NCOR2: variants seen among roughly 807,000 people sequenced by gnomAD.
NCOR2 encodes nuclear receptor corepressor 2, also known as CTG repeat protein 26.
In NCOR2, 81 loss-of-function variants were observed where a neutral mutation model predicts 262.9. That is an observed-to-expected ratio of 0.31 (90% CI 0.26 to 0.37). The LOEUF is 0.37. Among genes scored for constraint, NCOR2 ranks in the 10% least tolerant of loss-of-function variants. The pLI, the probability that NCOR2 is intolerant of heterozygous loss-of-function variation, is 1.00. For synonymous variants in NCOR2, 1,659 were observed against 1,559.3 expected, an observed-to-expected ratio of 1.06 and a Z score of -1.51; for missense variants, 3,385 against 3,621.4, an observed-to-expected ratio of 0.93 and a Z score of 1.68.
At chr12:124,361,912 C>T (rs531108986) in intron 22 of NCOR2, among the ~76,000 whole-genome samples, 3 of 152,378 alleles carry the variant, frequency 2.0e-5, no homozygotes, top group East Asian at 3.9e-4. Context: ...AAGGCCAATA[C>T]GTGCCCACTT....
chr12:124,383,526 T>G, intron 17 of NCOR2: 2 of 747,558 alleles, frequency 2.7e-6, no homozygotes, highest in Non-Finnish European at 3.4e-6. Flanking sequence ...AATAAAACCT[T>G]CCAACTCAAA....
chr12:124,326,512 C>T (rs1338593005), intron 45 of NCOR2, 142 bp from the exon 48 acceptor site: 2 of 811,620 alleles, frequency 2.5e-6, no homozygotes, highest in Non-Finnish European at 1.7e-6. Context: ...ACCCCTCCTC[C>T]CTGCTGCCCG....
At chr12:124,421,782 C>T (rs2043216676) in intron 12 of NCOR2, among the ~76,000 whole-genome samples, 1 of 152,240 alleles carries the variant, frequency 6.6e-6, no homozygotes, top group Non-Finnish European at 1.5e-5. Flanking sequence ...AACATGCAGC[C>T]TCATCCAGCC....
At position 124,378,299 on chromosome 12, in the gene NCOR2, T is replaced by C. The variant is rs2040170692; in HGVS notation, c.2105A>G (p.Asp702Gly). 6.2e-7 allele frequency: 1 copy of C among 1,613,830 alleles called. No individual in the cohort carries two copies. The highest frequency in any genetic ancestry group is 1.3e-5 in the African/African-American group (1 of 74,918). The change falls in exon 18 of 47, where the codon GAT (aspartate) becomes GGT (glycine). Residue 702 changes from aspartate (D) to glycine (G), a missense_variant. Asp to Gly is a moderately conservative substitution (Grantham distance 94). Around this residue, in one of 5 missense-constraint regions of NCOR2, gnomAD observed 515 missense variants for 781.2 expected, o/e 0.66. Transcript: ENST00000405201. The surrounding 1 kb of genome is among the most constrained non-coding windows in gnomAD (Gnocchi z 4.2). The stretch of plus-strand genomic sequence containing the variant: ...CACGCCCGACGCCTCCATCTCCTCA[T>C]CCTCCACCACGGGCGGGAATGCAGC...
intron 1 of NCOR2, among the ~76,000 whole-genome samples, chr12:124,543,092 A>ACTAGGTGCCT (rs1357649208): frequency 2.6e-5 from 4 of 152,226 alleles, no homozygotes; most frequent in Middle Eastern, 3.4e-3. Flanking sequence ...TCCCTCCTCC[A>ACTAGGTGCCT]CCAGCTAGGG....
chr12:124,326,370 C>G, exon 46 of NCOR2: 1 of 1,488,334 alleles, frequency 6.7e-7, no homozygotes, highest in Non-Finnish European at 8.9e-7. Flanking sequence ...CCCGCCGCCA[C>G]CTGCAGGGGG....
intron 1 of NCOR2, among the ~76,000 whole-genome samples, chr12:124,553,405 C>T (rs1274629051): frequency 1.3e-5 from 2 of 152,214 alleles, no homozygotes; most frequent in Non-Finnish European, 2.9e-5. Flanking sequence ...CTCAGCTTAA[C>T]ACAGGCTTCA....
In NCOR2 at chr12:124,372,621, C is replaced by A. The variant is rs759419552; in HGVS notation, c.2219-11G>T. On this transcript the variant is annotated splice_polypyrimidine_tract_variant and intron_variant, in intron 19 of 46. Coordinates refer to ENST00000405201, the Ensembl canonical transcript of NCOR2. ...TGTTGTTGACAGTGGCTGTGCAGGGCGAGAAGGAAGAGGGGATGAGCAGGG... is the reference window on the plus strand; with the variant it reads ...TGTTGTTGACAGTGGCTGTGCAGGGAGAGAAGGAAGAGGGGATGAGCAGGG... 1.3e-6 allele frequency: 2 copies of A among 1,592,276 alleles called. No individual in the cohort carries two copies. The highest frequency in any genetic ancestry group is 2.2e-5 in the South Asian group (2 of 90,704).
chr12:124,545,870 C>A (rs2051529037), intron 1 of NCOR2, among the ~76,000 whole-genome samples: 1 of 152,180 alleles, frequency 6.6e-6, no homozygotes, highest in Admixed American at 6.5e-5. Flanking sequence ...GGCAGATGAG[C>A]AAAGTTCCAT....
At chr12:124,354,736 T>C in intron 25 of NCOR2, 101 bp downstream of exon 27, 1 of 1,324,766 alleles carries the variant, frequency 7.5e-7, no homozygotes, top group Non-Finnish European at 1.0e-6. Flanking sequence ...AGCTGCTACC[T>C]GGAGTACCGT....
rs892628998 is a variant in NCOR2, at chr12:124,413,820, G to A, written c.1482+6137C>T. 4.6e-5 allele frequency among the ~76,000 whole-genome samples: 7 copies of A among 152,124 alleles called. No homozygotes were observed. The East Asian group carries it at 5.8e-4, about 13-fold the overall frequency. ...CCCCAAAGACATATATGGTAACGGC[G>A]GAGGCACTGAGAGAGAAAGAGACAG... On this transcript the variant is annotated intron_variant, in intron 13 of 46. Coordinates refer to ENST00000405201, the Ensembl canonical transcript of NCOR2.
chr12:124,379,877 TG>T (rs1375696773), intron 17 of NCOR2, among the ~76,000 whole-genome samples: 1 of 152,116 alleles, frequency 6.6e-6, no homozygotes, highest in Non-Finnish European at 1.5e-5. Flanking sequence ...GAGGCACATG[TG>T]GAGAGATGCA....
At chr12:124,383,532 T>G in intron 17 of NCOR2, 1 of 517,326 alleles carries the variant, frequency 1.9e-6, no homozygotes, top group Non-Finnish European at 2.5e-6. Context: ...ACCTTCCAAC[T>G]CAAAAAAAAA....
At chr12:124,362,331 A>G (rs1340413630) in intron 21 of NCOR2, 34 bp from the exon 24 acceptor site, 2 of 1,331,928 alleles carry the variant, frequency 1.5e-6, no homozygotes, top group Non-Finnish European at 1.9e-6. Context: ...GCATTCACAG[A>G]GGGTGTCTGA....
chr12:124,523,473 G>A lies in NCOR2; in HGVS notation c.-118+12092C>T, dbSNP rs566121302. Reference sequence around the variant, plus strand: ...TAACCCGGGAAGGACACATCACGCCGGCCAGCATCACCCAAGCTCTCAGTG... The same window carrying A: ...TAACCCGGGAAGGACACATCACGCCAGCCAGCATCACCCAAGCTCTCAGTG... On this transcript the variant is annotated intron_variant, in intron 1 of 46. Transcript: ENST00000404621. This position sits in a 1 kb window ranked among gnomAD's most constrained non-coding sequence, Gnocchi z 4.0. Among the ~76,000 whole-genome samples the A allele has an allele frequency of 1.6e-4, 24 of 152,166 alleles. No individual in the cohort carries two copies. Among genetic ancestry groups the A allele is most frequent in the African/African-American group, 4.6e-4 (19 of 41,492 alleles).
At chr12:124,414,070 T>C (rs965323758) in intron 13 of NCOR2, among the ~76,000 whole-genome samples, 9 of 152,054 alleles carry the variant, frequency 5.9e-5, no homozygotes, top group African/African-American at 2.4e-5. Flanking sequence ...CCGCCTGCCC[T>C]CGCAGGGCTC....
chr12:124,425,906 G>A (rs1193607717), intron 11 of NCOR2, among the ~76,000 whole-genome samples: 1 of 152,160 alleles, frequency 6.6e-6, no homozygotes, highest in Non-Finnish European at 1.5e-5. Context: ...TGTCATAAGG[G>A]ACAGGAGGGG....
Position 124,549,937 on chromosome 12 carries a change from C to T in NCOR2, c.-164-14326G>A, listed in dbSNP as rs1042367763. 3.5e-4 allele frequency among the ~76,000 whole-genome samples: 54 copies of T among 152,194 alleles called. No individual in the cohort carries two copies. The highest frequency in any genetic ancestry group is 2.0e-4 in the Admixed American group (3 of 15,292). On this transcript the variant is annotated intron_variant, in intron 1 of 32. Transcript: ENST00000458234. The surrounding 1 kb of genome is among the most constrained non-coding windows in gnomAD (Gnocchi z 4.4). ...ATGAACAAAATCTACATGCTGGGCG[C>T]AAGCTCCGAGGAAAACTCCTTCGCA...
At chr12:124,400,915 G>T (rs560889249) in intron 14 of NCOR2, among the ~76,000 whole-genome samples, 2 of 152,302 alleles carry the variant, frequency 1.3e-5, no homozygotes, top group African/African-American at 4.8e-5. Flanking sequence ...TTCTCAAAAG[G>T]GAGTTGCGGC....
Sources: allele counts gnomAD v4.1 joint callset (sites outside exome capture counted in the v4.1 genomes callset), GRCh38; gene constraint gnomAD v4.1.1; regional missense constraint gnomAD v4.1.1; non-coding constraint Gnocchi (gnomAD v3.1); transcripts MANE v1.5; gene names NCBI Gene and HGNC (gene_info 2026-07-23, HGNC 2026-07-21).